Variants in MATR3 observed in about 807,000 individuals in gnomAD.
MATR3 encodes the protein matrin-3.
Under a neutral mutation model 85.5 loss-of-function variants are expected in MATR3, and 4 were observed. The ratio of observed to expected loss-of-function variants is 0.05; its 90% confidence interval spans 0.02 to 0.11. MATR3 has a LOEUF of 0.11. Among genes scored for constraint, MATR3 ranks in the 10% least tolerant of loss-of-function variants. The probability of loss-of-function intolerance (pLI) is 1.00; values close to 1 mark genes in which losing one functional copy is unlikely to be tolerated. For missense variants in MATR3, 685 were observed against 1,016.1 expected (o/e 0.67, Z 4.43); for synonymous variants, 336 against 343.1 (o/e 0.98, Z 0.23).
intron 2 of MATR3, chr5:139,312,684 C>T (rs1755051385): frequency 6.6e-6 from 1 of 152,152 alleles, no homozygotes; most frequent in South Asian, 2.1e-4. Context: ...GAGACAGTTT[C>T]ACTCTTGCCC....
chr5:139,313,445 A>G (rs1333071612), intron 2 of MATR3: 1 of 151,664 alleles, frequency 6.6e-6, no homozygotes, highest in Non-Finnish European at 1.5e-5. Context: ...GTCCCAGTGA[A>G]TTTAAATAAC....
intron 1 of MATR3, among the ~76,000 whole-genome samples, chr5:139,306,823 A>G (rs1437177549): frequency 1.3e-5 from 2 of 152,178 alleles, no homozygotes; most frequent in Non-Finnish European, 1.5e-5. Context: ...TCCAAAGCAC[A>G]GTACAACTGA....
intron 1 of MATR3, among the ~76,000 whole-genome samples, chr5:139,274,854 G>A (rs1753210182): frequency 6.6e-6 from 1 of 151,730 alleles, no homozygotes; most frequent in East Asian, 2.0e-4. Flanking sequence ...GAACCCGGGA[G>A]GCAGAGATTG....
upstream of MATR3, among the ~76,000 whole-genome samples, chr5:139,292,818 C>T (rs931975273): frequency 6.6e-6 from 1 of 152,210 alleles, no homozygotes; most frequent in Non-Finnish European, 1.5e-5. Context: ...TGGCGGGCGC[C>T]TGTAGTCCCA....
At chr5:139,284,334 C>T (rs762995815) in intron 3 of MATR3, among the ~76,000 whole-genome samples, 3 of 152,054 alleles carry the variant, frequency 2.0e-5, no homozygotes, top group East Asian at 1.9e-4. Flanking sequence ...TGGATTTGGC[C>T]GGGCGCGGTT....
Position 139,324,879 on chromosome 5 carries a change from A to T in MATR3, c.2149-561A>T, listed in dbSNP as rs149268267. On this transcript the variant is annotated intron_variant, in intron 12 of 14. Coordinates refer to ENST00000394805, the MANE Select transcript of MATR3 (RefSeq NM_018834.6). ...TTTTGGAAGAAAGGAAGAAGTTACTATTTTGAGCCAATGAATAAAGACAAA... is the reference window on the plus strand; with the variant it reads ...TTTTGGAAGAAAGGAAGAAGTTACTTTTTTGAGCCAATGAATAAAGACAAA... Among the ~76,000 whole-genome samples the T allele has an allele frequency of 1.3e-3, 205 of 152,204 alleles. 2 individuals carry two copies. The highest frequency in any genetic ancestry group is 4.8e-3 in the African/African-American group (198 of 41,548).
At chr5:139,305,484 C>G (rs1057040338) in intron 1 of MATR3, among the ~76,000 whole-genome samples, 1 of 152,130 alleles carries the variant, frequency 6.6e-6, no homozygotes, top group Non-Finnish European at 1.5e-5. Flanking sequence ...ATTAATAACC[C>G]TGATACTTCA....
At chr5:139,326,941 TTAAAA>T (rs1454859149) in intron 14 of MATR3, among the ~76,000 whole-genome samples, 1 of 152,196 alleles carries the variant, frequency 6.6e-6, no homozygotes, top group Non-Finnish European at 1.5e-5. Context: ...ACCATTCATA[TTAAAA>T]TAATTTTTAA....
chr5:139,295,584 ATTTG>A (rs1754105814), intron 1 of MATR3, among the ~76,000 whole-genome samples: 1 of 152,158 alleles, frequency 6.6e-6, no homozygotes, highest in Non-Finnish European at 1.5e-5. Context: ...TGATCTGTGC[ATTTG>A]TTTTAGTCTT....
At chr5:139,321,633 A>AT (rs2152006016) in intron 9 of MATR3, among the ~76,000 whole-genome samples, 1 of 152,236 alleles carries the variant, frequency 6.6e-6, no homozygotes, top group East Asian at 1.9e-4. Flanking sequence ...AAATACAAAA[A>AT]TTAGCCAGGC....
intron 12 of MATR3, among the ~76,000 whole-genome samples, chr5:139,323,451 T>C (rs1282941161): frequency 6.6e-6 from 1 of 152,182 alleles, no homozygotes; most frequent in African/African-American, 2.4e-5. Context: ...TTTGAACAAG[T>C]AAGTCATTTA....
Position 139,307,535 on chromosome 5 carries a change from A to C in MATR3, c.120A>C (p.Ala40=). ...CTACCCAGTCTTTAAGTATGCCAGCATCTCTTGGAAGGATGAACCAGGGTA... is the reference window on the plus strand; with the variant it reads ...CTACCCAGTCTTTAAGTATGCCAGCCTCTCTTGGAAGGATGAACCAGGGTA... ...AAATQSLSMP[A]SLGRMNQGTA... is the part of the protein sequence containing the mutation. The change falls in exon 2 of 15, where the codon GCA becomes GCC. Residue 40 remains alanine, a synonymous_variant. Coordinates refer to ENST00000394805, the MANE Select transcript of MATR3 (RefSeq NM_018834.6). The surrounding 1 kb of genome is among the most constrained non-coding windows in gnomAD (Gnocchi z 4.4). 1 of 1,614,156 alleles carries C rather than the reference A, an allele frequency of 6.2e-7. No individual in the cohort carries two copies. Among genetic ancestry groups the C allele is most frequent in the Non-Finnish European group, 8.5e-7 (1 of 1,180,026 alleles).
At chr5:139,292,366 T>G (rs1753904344), upstream of MATR3, among the ~76,000 whole-genome samples, 1 of 152,204 alleles carries the variant, frequency 6.6e-6, no homozygotes, top group Non-Finnish European at 1.5e-5. Flanking sequence ...GCTTATTGCA[T>G]TGCCCACCTT....
chr5:139,306,231 T>C (rs1754699340), intron 1 of MATR3, among the ~76,000 whole-genome samples: 1 of 152,218 alleles, frequency 6.6e-6, no homozygotes, highest in Admixed American at 6.5e-5. Flanking sequence ...ACAACAATAA[T>C]GATTTAAGAA....
chr5:139,304,121 A>C (rs1754592615), intron 1 of MATR3, among the ~76,000 whole-genome samples: 1 of 152,248 alleles, frequency 6.6e-6, no homozygotes, highest in Admixed American at 6.5e-5. Flanking sequence ...TAACATTTTT[A>C]AACAGCTTAA....
chr5:139,320,624 A>T, intron 9 of MATR3, among the ~76,000 whole-genome samples: 1 of 152,046 alleles, frequency 6.6e-6, no homozygotes, highest in Non-Finnish European at 1.5e-5. Context: ...AAGGATGAGG[A>T]GAACATCTTT....
At chr5:139,279,263 C>T (rs910351465) in intron 3 of MATR3, 7 of 428,260 alleles carry the variant, frequency 1.6e-5, no homozygotes, top group African/African-American at 6.1e-5. Context: ...GAGTCTTGCT[C>T]AGTTGCCCAG....
At chr5:139,324,287 A>ATTT (rs1581259222) in intron 12 of MATR3, among the ~76,000 whole-genome samples, 1 of 109,358 alleles carries the variant, frequency 9.1e-6, no homozygotes, top group Non-Finnish European at 2.0e-5. Context: ...TCAGAGCATG[A>ATTT]TTGTTTTTTT....
chr5:139,331,267 G>C lies in MATR3; in HGVS notation c.*1872G>C. 2.2e-6 allele frequency: 1 copy of C among 454,072 alleles called. No individual in the cohort carries two copies. 28.1% of individuals were successfully genotyped at this position (454,072 alleles called of 1,614,324 possible). The stretch of plus-strand genomic sequence containing the variant: ...TGACATGCACAAAAAATCCTTGCCA[G>C]TTTACTTCTGCAATTTAATTTTAGC... On this transcript the variant is annotated 3_prime_UTR_variant, in exon 15 of 15. Coordinates refer to ENST00000394805, the MANE Select transcript of MATR3 (RefSeq NM_018834.6).
Sources: gnomAD v4.1 joint callset for allele counts (sites outside exome capture counted in the v4.1 genomes callset) on GRCh38, gnomAD v4.1.1 for gene constraint, Gnocchi (gnomAD v3.1) non-coding constraint, MANE v1.5 for transcripts, NCBI Gene and HGNC (gene_info 2026-07-23, HGNC 2026-07-21) for gene names.